Variants in RBFOX1 observed in about 807,000 individuals in gnomAD.
The protein encoded by RBFOX1 is RNA binding protein fox-1 homolog 1.
Under a neutral mutation model 57.7 loss-of-function variants are expected in RBFOX1, and 8 were observed. The observed-to-expected ratio is 0.14, with a 90% CI of 0.08 to 0.25. RBFOX1 has a LOEUF of 0.25. RBFOX1 is among the 10% of genes least tolerant of loss of function. The pLI is 1.00. For missense variants in RBFOX1, 611 were observed against 548.5 expected (o/e 1.11, Z -1.14); for synonymous variants, 326 against 222.4 (o/e 1.47, Z -4.15).
At chr16:7,688,260 T>TGTGTGTGAGA (rs1319185243) in intron 14 of RBFOX1, among the ~76,000 whole-genome samples, 7 of 125,388 alleles carry the variant, frequency 5.6e-5, no homozygotes, top group African/African-American at 2.1e-4. Context: ...TGTGTGTGTG[T>TGTGTGTGAGA]GAGAGAGAGA....
rs192038299 is a variant in RBFOX1, at chr16:6,868,495, A to G, written c.-15-183562A>G. Among the ~76,000 whole-genome samples the G allele has an allele frequency of 1.3e-3, 197 of 151,844 alleles. 1 individual carries two copies. Among genetic ancestry groups the G allele is most frequent in the African/African-American group, 4.6e-3 (189 of 41,404 alleles). On this transcript the variant is annotated intron_variant, in intron 3 of 15. Coordinates refer to ENST00000550418, the MANE Select transcript of RBFOX1 (RefSeq NM_018723.4). ...TATTGGTTTATGATTTTTTTTTGAG[A>G]CAGTCTCACTCTGTCACCCAGGCTG...
At chr16:6,415,485 G>C (rs810591) in intron 2 of RBFOX1, among the ~76,000 whole-genome samples, 75,931 of 151,488 alleles carry the variant, frequency 0.5, 19,165 homozygotes, top group East Asian at 0.59. Context: ...GGCGGATCAC[G>C]AGGTTAGGAG....
intron 14 of RBFOX1, among the ~76,000 whole-genome samples, chr16:7,695,350 C>T (rs976484112): frequency 1.3e-5 from 2 of 151,962 alleles, no homozygotes; most frequent in Non-Finnish European, 2.9e-5. Context: ...AAGGTTGTAA[C>T]TCGTGGTTTC....
At chr16:5,315,225 G>T (rs890328721) in intron 1 of RBFOX1, among the ~76,000 whole-genome samples, 1 of 152,198 alleles carries the variant, frequency 6.6e-6, no homozygotes, top group African/African-American at 2.4e-5. Context: ...AGGAAGGTTC[G>T]ATGAGGCCCA....
intron 1 of RBFOX1, among the ~76,000 whole-genome samples, chr16:6,092,022 C>G (rs12927079): frequency 0.36 from 54,012 of 151,968 alleles, 10,802 homozygotes; most frequent in Non-Finnish European, 0.46. Context: ...TACCTGTTCA[C>G]ACATCCACCT....
intron 4 of RBFOX1, among the ~76,000 whole-genome samples, chr16:7,326,458 G>A (rs942913046): frequency 1.3e-5 from 2 of 152,088 alleles, no homozygotes; most frequent in African/African-American, 2.4e-5. Flanking sequence ...ATGGGGTGTT[G>A]GTGGGGCACT....
At chr16:6,344,694 G>GTTTTTT (rs5815301) in intron 2 of RBFOX1, among the ~76,000 whole-genome samples, 4 of 88,330 alleles carry the variant, frequency 4.5e-5, no homozygotes, top group African/African-American at 4.7e-5. Context: ...ACCGAGCCCG[G>GTTTTTT]TTTTTTTTTT....
chr16:6,278,713 C>T (rs1476457808), intron 1 of RBFOX1, among the ~76,000 whole-genome samples: 1 of 151,734 alleles, frequency 6.6e-6, no homozygotes, highest in Non-Finnish European at 1.5e-5. Flanking sequence ...ATAAATAAAT[C>T]ATAGATATTT....
intron 7 of RBFOX1, among the ~76,000 whole-genome samples, chr16:7,593,861 C>T (rs754210874): frequency 3.3e-5 from 5 of 152,042 alleles, no homozygotes; most frequent in South Asian, 4.1e-4. Context: ...TATAGAATCC[C>T]GACAAATAAT....
chr16:5,709,829 ATATATATATATATATTTTTTTTTTTTTTT>A lies in RBFOX1; in HGVS notation c.318+110870_318+110898del, dbSNP rs1288945408. ...TTTCTTTATATATATATATATATATATATATATATATATATTTTTTTTTTTTTTTTTTTTTTTTTTTTTTTTTTACCATT... is the reference window on the plus strand; with the variant it reads ...TTTCTTTATATATATATATATATATATTTTTTTTTTTTTTTTTTTACCATT... On this transcript the variant is annotated intron_variant, in intron 3 of 19. Coordinates refer to the RBFOX1 transcript ENST00000641259. Among the ~76,000 whole-genome samples the A allele has an allele frequency of 2.0e-3, 15 of 7,486 alleles. No homozygotes were observed. The East Asian group carries it at 0.036, about 18-fold the overall frequency. The allele number at this position is 7,486 out of a possible 152,430, so 4.9% of individuals were successfully genotyped here.
chr16:7,606,618 A>G (rs2095296099), intron 9 of RBFOX1, among the ~76,000 whole-genome samples: 1 of 152,196 alleles, frequency 6.6e-6, no homozygotes, highest in South Asian at 2.1e-4. Flanking sequence ...TCATTTTACA[A>G]AAAACTCTCC....
chr16:5,745,709 T>C (rs2151603878), intron 3 of RBFOX1, among the ~76,000 whole-genome samples: 1 of 152,378 alleles, frequency 6.6e-6, no homozygotes, highest in East Asian at 1.9e-4. Context: ...TGAGCATTTT[T>C]TCATGTGTCT....
intron 4 of RBFOX1, among the ~76,000 whole-genome samples, chr16:7,125,210 C>G (rs1438514523): frequency 6.6e-6 from 1 of 152,188 alleles, no homozygotes; most frequent in Non-Finnish European, 1.5e-5. Context: ...GTCTTGAGTT[C>G]AGATCCCAGA....
At chr16:6,799,623 A>G (rs889742412) in intron 3 of RBFOX1, among the ~76,000 whole-genome samples, 1 of 152,094 alleles carries the variant, frequency 6.6e-6, no homozygotes, top group African/African-American at 2.4e-5. Flanking sequence ...CTGTGTTGGC[A>G]CCATCCAATC....
intron 1 of RBFOX1, among the ~76,000 whole-genome samples, chr16:6,258,115 C>G (rs2097679910): frequency 1.3e-5 from 2 of 152,170 alleles, no homozygotes; most frequent in African/African-American, 4.8e-5. Context: ...CTTATCCCAT[C>G]ATCTTTTGTA....
chr16:7,173,160 T>C (rs999406166), intron 4 of RBFOX1, among the ~76,000 whole-genome samples: 8 of 152,198 alleles, frequency 5.3e-5, no homozygotes, highest in South Asian at 2.1e-4. Context: ...TCTTGACTTA[T>C]AACAAAAATC....
At chr16:6,596,897 C>G (rs766796387) in intron 2 of RBFOX1, among the ~76,000 whole-genome samples, 1 of 152,150 alleles carries the variant, frequency 6.6e-6, no homozygotes, top group Non-Finnish European at 1.5e-5. Context: ...TAAATATACA[C>G]ACCCTTGATA....
At chr16:6,908,071 C>CCCATTT (rs1366246054) in intron 3 of RBFOX1, among the ~76,000 whole-genome samples, 3 of 151,678 alleles carry the variant, frequency 2.0e-5, no homozygotes, top group African/African-American at 7.2e-5. Flanking sequence ...CTGCAGAGAC[C>CCCATTT]CCATTTCCAA....
chr16:6,306,550 T>A (rs1207690905), intron 1 of RBFOX1, among the ~76,000 whole-genome samples: 2 of 152,202 alleles, frequency 1.3e-5, no homozygotes, highest in South Asian at 2.1e-4. Context: ...CCAGGCCAGC[T>A]CCAGAAGCTG....
Sources: allele counts gnomAD v4.1 joint callset (sites outside exome capture counted in the v4.1 genomes callset), GRCh38; gene constraint gnomAD v4.1.1; transcripts MANE v1.5; gene names NCBI Gene and HGNC (gene_info 2026-07-23, HGNC 2026-07-21).